Variants in SPOCK3 observed in about 807,000 individuals in gnomAD.
SPOCK3 encodes the protein SPARC (osteonectin), cwcv and kazal like domains proteoglycan 3, also known as testican-3.
In SPOCK3, 30 loss-of-function variants were observed where a neutral mutation model predicts 56.6. The observed-to-expected ratio is 0.53, with a 90% CI of 0.40 to 0.72. The LOEUF is 0.72. Ranked by LOEUF, SPOCK3 falls within the 30% of genes least tolerant of loss-of-function variation. The probability of loss-of-function intolerance (pLI) is 0.00; values close to 1 mark genes in which losing one functional copy is unlikely to be tolerated. For missense variants in SPOCK3, 527 were observed against 530.0 expected (o/e 0.99, Z 0.06); for synonymous variants, 196 against 183.3 (o/e 1.07, Z -0.56).
intron 8 of SPOCK3, 169 bp downstream of exon 8, chr4:166,754,339 C>A (rs1195251705): frequency 4.4e-6 from 6 of 1,359,344 alleles, no homozygotes; most frequent in Non-Finnish European, 5.7e-6. Context: ...GTATCTCTGG[C>A]AGAGTTATTT....
intron 2 of SPOCK3, among the ~76,000 whole-genome samples, chr4:167,099,591 C>T (rs1050991569): frequency 5.9e-5 from 9 of 151,986 alleles, no homozygotes; most frequent in Non-Finnish European, 1.3e-4. Flanking sequence ...ATACTTTATG[C>T]GTATCTTTCA....
intron 2 of SPOCK3, among the ~76,000 whole-genome samples, chr4:167,098,672 CT>C (rs1759373185): frequency 6.6e-6 from 1 of 150,950 alleles, no homozygotes; most frequent in Admixed American, 6.6e-5. Context: ...GTTTTTTTTT[CT>C]GTTTCACATC....
chr4:166,893,434 GT>G (rs1734999609), intron 5 of SPOCK3, among the ~76,000 whole-genome samples: 1 of 152,084 alleles, frequency 6.6e-6, no homozygotes. Flanking sequence ...AAAAGATACA[GT>G]TGACAATAGC....
chr4:167,096,545 C>G (rs983168502), intron 2 of SPOCK3, among the ~76,000 whole-genome samples: 1 of 151,674 alleles, frequency 6.6e-6, no homozygotes, highest in East Asian at 1.9e-4. Context: ...TCTTTAGTCC[C>G]TCAATATTTG....
chr4:167,223,621 G>A (rs972763130), intron 2 of SPOCK3, among the ~76,000 whole-genome samples: 4 of 151,796 alleles, frequency 2.6e-5, no homozygotes, highest in African/African-American at 9.7e-5. Flanking sequence ...ATTAACAGTT[G>A]CACATTCCAT....
chr4:167,012,854 T>C (rs1750225557), intron 3 of SPOCK3, among the ~76,000 whole-genome samples: 1 of 152,002 alleles, frequency 6.6e-6, no homozygotes, highest in Non-Finnish European at 1.5e-5. Flanking sequence ...TGTAAAGCTA[T>C]AGGAAGAAGT....
intron 5 of SPOCK3, among the ~76,000 whole-genome samples, chr4:166,892,622 G>C (rs996347444): frequency 2.6e-5 from 4 of 151,868 alleles, no homozygotes; most frequent in Non-Finnish European, 5.9e-5. Context: ...AGGTATATGT[G>C]AACTAAAATA....
chr4:167,083,945 T>C (rs1009147753), intron 2 of SPOCK3, among the ~76,000 whole-genome samples: 1 of 152,196 alleles, frequency 6.6e-6, no homozygotes, highest in South Asian at 2.1e-4. Flanking sequence ...AAACTTTTTA[T>C]TGATATGAAA....
intron 9 of SPOCK3, among the ~76,000 whole-genome samples, chr4:166,740,449 T>C (rs1010417710): frequency 6.6e-6 from 1 of 150,852 alleles, no homozygotes; most frequent in Admixed American, 6.6e-5. Context: ...TTCTTTATGG[T>C]ACATGGCTAA....
At chr4:167,208,705 G>GA (rs1159243256) in intron 2 of SPOCK3, among the ~76,000 whole-genome samples, 1 of 114,208 alleles carries the variant, frequency 8.8e-6, no homozygotes, top group African/African-American at 4.0e-5. Context: ...TTAGATTTTT[G>GA]TTTATACATG....
At chr4:167,075,434 T>C (rs1757097398) in intron 2 of SPOCK3, among the ~76,000 whole-genome samples, 1 of 151,862 alleles carries the variant, frequency 6.6e-6, no homozygotes, top group Non-Finnish European at 1.5e-5. Flanking sequence ...CTCTATGACA[T>C]AGAGAAATGC....
chr4:166,985,237 A>G (rs931282940), intron 4 of SPOCK3, among the ~76,000 whole-genome samples: 3 of 152,154 alleles, frequency 2.0e-5, no homozygotes, highest in Non-Finnish European at 2.9e-5. Flanking sequence ...TGAAAATTCA[A>G]CATTGGAATA....
intron 4 of SPOCK3, among the ~76,000 whole-genome samples, chr4:166,921,596 A>G (rs1056321132): frequency 3.9e-5 from 6 of 152,080 alleles, no homozygotes; most frequent in African/African-American, 9.6e-5. Context: ...GATTACAGGC[A>G]TGAGCCACTG....
intron 4 of SPOCK3, among the ~76,000 whole-genome samples, chr4:166,991,240 A>G (rs373395686): frequency 1.3e-4 from 20 of 152,154 alleles, no homozygotes; most frequent in East Asian, 5.8e-4. Context: ...AATGGCTGAT[A>G]TGAAACCACC....
At chr4:167,067,021 T>G (rs1486014398) in intron 2 of SPOCK3, among the ~76,000 whole-genome samples, 1 of 151,790 alleles carries the variant, frequency 6.6e-6, no homozygotes, top group Non-Finnish European at 1.5e-5. Flanking sequence ...ATAATTTGGA[T>G]TGGCACAGAA....
At chr4:167,126,726 C>T (rs371040362) in intron 2 of SPOCK3, among the ~76,000 whole-genome samples, 1 of 152,096 alleles carries the variant, frequency 6.6e-6, no homozygotes, top group Admixed American at 6.6e-5. Context: ...CAATCAAGTC[C>T]TAATTAGCAC....
intron 2 of SPOCK3, among the ~76,000 whole-genome samples, chr4:167,169,600 G>A (rs192358515): frequency 3.2e-4 from 49 of 152,252 alleles, no homozygotes; most frequent in Middle Eastern, 3.4e-3. Context: ...GAAGGGACTC[G>A]CATTGTCTCA....
chr4:167,159,061 G>A (rs1250518541), intron 2 of SPOCK3, among the ~76,000 whole-genome samples: 1 of 151,870 alleles, frequency 6.6e-6, no homozygotes, highest in Non-Finnish European at 1.5e-5. Context: ...AAAAGCACAG[G>A]AACTAGCAAG....
chr4:167,192,693 A>C (rs184115335), intron 2 of SPOCK3, among the ~76,000 whole-genome samples: 1 of 145,184 alleles, frequency 6.9e-6, no homozygotes, highest in African/African-American at 2.6e-5. Flanking sequence ...CAAGATGTAC[A>C]GTTATTTGTT....
Sources: gnomAD v4.1 joint callset for allele counts (sites outside exome capture counted in the v4.1 genomes callset) on GRCh38, gnomAD v4.1.1 for gene constraint, MANE v1.5 for transcripts, NCBI Gene and HGNC (gene_info 2026-07-23, HGNC 2026-07-21) for gene names.